Variants in ARMH4 observed in about 807,000 individuals in gnomAD.
The protein encoded by ARMH4 is armadillo like helical domain containing 4, also known as armadillo-like helical domain-containing protein 4.
ARMH4 carries 49 observed loss-of-function variants against 61.9 expected under a neutral mutation model. The ratio of observed to expected loss-of-function variants is 0.79; its 90% CI spans 0.63 to 1.00. ARMH4 has a LOEUF of 1.00. Ranked by LOEUF, ARMH4 falls within the 50% of genes least tolerant of loss-of-function variation. The pLI is 0.00. For missense variants in ARMH4, 934 were observed against 930.0 expected, an observed-to-expected ratio of 1.00 and a Z score of -0.06; for synonymous variants, 368 against 341.5, an observed-to-expected ratio of 1.08 and a Z score of -0.85.
chr14:58,002,577 A>G lies in ARMH4; in HGVS notation c.*2159T>C, dbSNP rs1236023588. 6.6e-6 allele frequency: 1 copy of G among 152,270 alleles called. No homozygotes were observed. The highest frequency in any genetic ancestry group is 2.4e-5 in the African/African-American group (1 of 41,478). The allele number at this position is 152,270 out of a possible 1,614,324, so 9.4% of individuals were successfully genotyped here. On this transcript the variant is annotated 3_prime_UTR_variant, in exon 8 of 8. Coordinates refer to ENST00000267485, the MANE Select transcript of ARMH4 (RefSeq NM_001001872.4). ...GTAGCCCAAGGCAATAATGGCCACT[A>G]GTATCACCCATGTGCTACTCAGTTA...
Position 58,127,273 on chromosome 14 carries a change from G to A in ARMH4, c.1831+4239C>T, listed in dbSNP as rs111983976. Among the ~76,000 whole-genome samples, 342 of 152,260 alleles carry A rather than the reference G, an allele frequency of 2.2e-3. 1 individual carries two copies. Among genetic ancestry groups the A allele is most frequent in the Non-Finnish European group, 2.8e-3 (193 of 68,022 alleles). ...CTCCCATAATCCCCATGTGCCATGG[G>A]AGGGACCCAGTGGGAGGTAACTGAA... On this transcript the variant is annotated intron_variant, in intron 4 of 7. Coordinates refer to ENST00000267485, the MANE Select transcript of ARMH4 (RefSeq NM_001001872.4).
At chr14:58,131,462 G>C in intron 4 of ARMH4, 50 bp downstream of exon 4, 1 of 1,440,856 alleles carries the variant, frequency 6.9e-7, no homozygotes, top group Non-Finnish European at 9.7e-7. Context: ...CATTTGCTCA[G>C]TGACTCACTC....
At chr14:58,077,965 C>G (rs1336292408) in intron 5 of ARMH4, among the ~76,000 whole-genome samples, 1 of 152,204 alleles carries the variant, frequency 6.6e-6, no homozygotes, top group Non-Finnish European at 1.5e-5. Flanking sequence ...CCCATGTAGA[C>G]TCAATGGACA....
In ARMH4 at chr14:58,024,009, ACAGG is replaced by A. The variant is rs547826160; in HGVS notation, c.2090-11863_2090-11860del. Among the ~76,000 whole-genome samples the A allele has an allele frequency of 6.5e-3, 991 of 152,268 alleles. 9 individuals are homozygous for A. The highest frequency in any genetic ancestry group is 0.014 in the Middle Eastern group (4 of 294). On this transcript the variant is annotated intron_variant, in intron 5 of 7. Transcript: ENST00000267485. The stretch of plus-strand genomic sequence containing the variant: ...GGCTTTGTTGTTCCATTTATAGAGC[ACAGG>A]CAGAGTAGATTTAGCATAATTCTTA...
chr14:58,019,663 C>T (rs1039378886), intron 5 of ARMH4, among the ~76,000 whole-genome samples: 14 of 152,064 alleles, frequency 9.2e-5, no homozygotes, highest in African/African-American at 3.1e-4. Flanking sequence ...TGGTGGCATG[C>T]ACCTGTAGTC....
At chr14:58,080,745 AT>A (rs988803321) in intron 5 of ARMH4, among the ~76,000 whole-genome samples, 5 of 151,934 alleles carry the variant, frequency 3.3e-5, no homozygotes, top group African/African-American at 7.3e-5. Context: ...GGTTGAATTT[AT>A]TTTTTTTAAG....
chr14:58,151,181 T>C (rs1054064899), intron 1 of ARMH4, among the ~76,000 whole-genome samples: 3 of 152,328 alleles, frequency 2.0e-5, no homozygotes, highest in South Asian at 2.1e-4. Context: ...TGCACTGAAA[T>C]TGGATGCCAA....
In ARMH4 at chr14:58,005,561, T is replaced by C. The variant is rs895933041; in HGVS notation, c.2122-379A>G. 7.9e-5 allele frequency among the ~76,000 whole-genome samples: 12 copies of C among 152,162 alleles called. 1 individual carries two copies. The highest frequency in any genetic ancestry group is 7.9e-4 in the Admixed American group (12 of 15,266). On this transcript the variant is annotated intron_variant, in intron 6 of 7. Coordinates refer to ENST00000267485, the MANE Select transcript of ARMH4 (RefSeq NM_001001872.4). Reference sequence around the variant, plus strand: ...ACTAAAATGCTATAAATTGGAAATATCAGCCAGAGTCAAGCTTAAAGGAGG... The same window carrying C: ...ACTAAAATGCTATAAATTGGAAATACCAGCCAGAGTCAAGCTTAAAGGAGG...
intron 4 of ARMH4, among the ~76,000 whole-genome samples, chr14:58,097,765 G>A (rs1367546384): frequency 1.3e-5 from 2 of 151,264 alleles, no homozygotes; most frequent in Non-Finnish European, 2.9e-5. Flanking sequence ...GAGTGCAGTG[G>A]CGTGATCATG....
intron 5 of ARMH4, among the ~76,000 whole-genome samples, chr14:58,050,492 T>C (rs1298505727): frequency 1.3e-5 from 2 of 152,150 alleles, no homozygotes; most frequent in East Asian, 1.9e-4. Flanking sequence ...ATAGGAGGAA[T>C]TGATCAAGGG....
intron 6 of ARMH4, among the ~76,000 whole-genome samples, chr14:58,006,566 C>T (rs1192440173): frequency 6.6e-6 from 1 of 152,134 alleles, no homozygotes; most frequent in Non-Finnish European, 1.5e-5. Flanking sequence ...TCACTTAGGG[C>T]AAAATATGGA....
intron 5 of ARMH4, among the ~76,000 whole-genome samples, chr14:58,034,703 A>G (rs930260276): frequency 4.6e-5 from 2 of 43,538 alleles, no homozygotes; most frequent in African/African-American, 1.8e-4. Flanking sequence ...AAAAGGATGG[A>G]GGAAGATCTA....
chr14:58,097,247 G>A (rs916752912), intron 4 of ARMH4, among the ~76,000 whole-genome samples: 1 of 152,122 alleles, frequency 6.6e-6, no homozygotes, highest in Non-Finnish European at 1.5e-5. Context: ...AATATGATTT[G>A]TTATTAAAGT....
intron 5 of ARMH4, among the ~76,000 whole-genome samples, chr14:58,047,944 A>C (rs1228080362): frequency 6.6e-6 from 1 of 152,184 alleles, no homozygotes; most frequent in Non-Finnish European, 1.5e-5. Flanking sequence ...AAACCAAGGA[A>C]ACCAGGCAAG....
At chr14:58,102,517 A>G (rs570363011) in intron 4 of ARMH4, among the ~76,000 whole-genome samples, 1 of 152,336 alleles carries the variant, frequency 6.6e-6, no homozygotes, top group South Asian at 2.1e-4. Flanking sequence ...AAAAATCCTT[A>G]TAAGAGTAAG....
intron 4 of ARMH4, among the ~76,000 whole-genome samples, chr14:58,112,828 C>A (rs996354520): frequency 1.3e-5 from 2 of 152,146 alleles, no homozygotes; most frequent in African/African-American, 4.8e-5. Flanking sequence ...ACCATTGCTG[C>A]TAAGTCTGCT....
chr14:58,064,173 T>C (rs1162003421), intron 5 of ARMH4, among the ~76,000 whole-genome samples: 1 of 150,004 alleles, frequency 6.7e-6, no homozygotes. Context: ...TATTTATGCA[T>C]TCATTAACTT....
intron 5 of ARMH4, among the ~76,000 whole-genome samples, chr14:58,029,524 G>A (rs756842604): frequency 7.9e-5 from 12 of 152,048 alleles, no homozygotes; most frequent in African/African-American, 1.2e-4. Flanking sequence ...GTGAGCCACC[G>A]TGCCCGGCCA....
chr14:58,134,799 A>C (rs1887249457), intron 2 of ARMH4, among the ~76,000 whole-genome samples: 1 of 151,956 alleles, frequency 6.6e-6, no homozygotes, highest in Admixed American at 6.6e-5. Flanking sequence ...TACTAAAAAC[A>C]CAACAAAATT....
Sources: gnomAD v4.1 joint callset for allele counts (sites outside exome capture counted in the v4.1 genomes callset) on GRCh38, gnomAD v4.1.1 for gene constraint, MANE v1.5 for transcripts, NCBI Gene and HGNC (gene_info 2026-07-23, HGNC 2026-07-21) for gene names.